The following ZP4 variants were observed in gnomAD, a reference collection of about 807,000 sequenced individuals.
The protein encoded by ZP4 is zona pellucida glycoprotein 4, also known as zona pellucida sperm-binding protein 4.
ZP4 carries 62 observed loss-of-function variants against 62.3 expected under a neutral mutation model. The ratio of observed to expected loss-of-function variants is 0.99; its 90% CI spans 0.81 to 1.23. ZP4 has a LOEUF of 1.23. Among genes scored for constraint, ZP4 ranks in the 50% most tolerant of loss-of-function variants. The pLI is 0.00. For synonymous variants in ZP4, 289 were observed against 247.3 expected (o/e 1.17, Z -1.58); for missense variants, 774 against 656.0 (o/e 1.18, Z -1.97).
intron 10 of ZP4, among the ~76,000 whole-genome samples, chr1:237,884,041 CAAACACACACAA>C (rs1558531250): frequency 2.3e-4 from 27 of 117,934 alleles, no homozygotes; most frequent in African/African-American, 9.8e-4. Context: ...CAAACACACA[CAAACACACACAA>C]ACACACACAA....
At chr1:237,886,038 T>A in intron 6 of ZP4, 152 bp from the exon 7 acceptor site, 1 of 999,376 alleles carries the variant, frequency 1.0e-6, no homozygotes, top group Non-Finnish European at 1.4e-6. Flanking sequence ...TGTATTTTAG[T>A]TGGGGAGACC....
chr1:237,884,017 A>AACACAC, intron 10 of ZP4, among the ~76,000 whole-genome samples: 1 of 87,946 alleles, frequency 1.1e-5, no homozygotes, highest in African/African-American at 4.8e-5. Context: ...CACACACACA[A>AACACAC]ACACACACAC....
In ZP4 at chr1:237,886,825, G is replaced by A. The variant is rs1665114891; in HGVS notation, c.785C>T (p.Thr262Ile). The A allele has an allele frequency of 6.2e-7, 1 of 1,614,044 alleles. No homozygotes were observed. The highest frequency in any genetic ancestry group is 1.1e-5 in the South Asian group (1 of 91,072). The change falls in exon 6 of 12, where the codon ACT (threonine) becomes ATT (isoleucine). Residue 262 changes from threonine to isoleucine, a missense_variant. Coordinates refer to ENST00000366570, the MANE Select transcript of ZP4 (RefSeq NM_021186.5). ...RAVYENELVA[T>I]RDVKNGSRGS... ...ACGGCTCCCATTTTTCACATCCCTA[G>A]TTGCCACCAGTTCATTTTCATATAC...
chr1:237,885,170 C>T lies in ZP4; in HGVS notation c.1306G>A (p.Gly436Arg). 1 of 1,613,318 alleles carries T rather than the reference C, an allele frequency of 6.2e-7. No homozygotes were observed. The highest frequency in any genetic ancestry group is 8.5e-7 in the Non-Finnish European group (1 of 1,179,690). Residue 436 changes from glycine (G) to arginine (R), a missense_variant, in exon 9 of 12, where the codon GGA (glycine) becomes AGA (arginine). Coordinates refer to ENST00000366570, the MANE Select transcript of ZP4 (RefSeq NM_021186.5). ...CATGGAAGGGAACATCCTACCGGTC[C>T]CCTGAGGGCCTGTTTCTCCACTGTA... ...NPTVEKQALR[G>R]PVHLHCSVSV... is the part of the protein sequence containing the mutation.
Position 237,885,819 on chromosome 1 carries a change from G to A in ZP4, c.907C>T (p.Leu303Phe), listed in dbSNP as rs1665089012. Reference protein sequence around the residue: ...SLPINVQVFTLPPPFPETQPG... With the variant: ...SLPINVQVFTFPPPFPETQPG... The stretch of plus-strand genomic sequence containing the variant: ...TGGGTCTCAGGAAAGGGTGGTGGGA[G>A]AGTGAAAACCTGGACATTGATTGGG... The change falls in exon 7 of 12, where the codon CTC becomes TTC. Residue 303 changes from leucine to phenylalanine, a missense_variant. Leu to Phe is a conservative substitution (Grantham distance 22). Transcript: ENST00000366570. 5 of 1,614,058 alleles carry A rather than the reference G, an allele frequency of 3.1e-6. No individual in the cohort carries two copies. Among genetic ancestry groups the A allele is most frequent in the Non-Finnish European group, 4.2e-6 (5 of 1,180,036 alleles).
chr1:237,883,726 G>GAGA (rs1558530140), intron 10 of ZP4, among the ~76,000 whole-genome samples: 1 of 16,240 alleles, frequency 6.2e-5, no homozygotes, highest in Non-Finnish European at 1.1e-4. Context: ...GGGGAGGGCG[G>GAGA]GGGAGGGAGA....
chr1:237,890,135 A>T lies in ZP4; in HGVS notation c.217T>A (p.Cys73Ser). The T allele has an allele frequency of 6.2e-7, 1 of 1,614,164 alleles. No homozygotes were observed. Among genetic ancestry groups the T allele is most frequent in the South Asian group, 1.1e-5 (1 of 91,080 alleles). Residue 73 changes from cysteine to serine, a missense_variant, in exon 2 of 12, where the codon TGT (cysteine) becomes AGT (serine). Cys to Ser is a moderately radical substitution (Grantham distance 112). Transcript: ENST00000366570. ...LLHELQNDSD[C>S]GTWIRKGPGS... The stretch of plus-strand genomic sequence containing the variant: ...GGACCTTTTCTTATCCAGGTGCCAC[A>T]GTCGGAGTCATTCTGCAGCTCGTGC...
rs1664963667 is a variant in ZP4, at chr1:237,883,509, G to A, written c.1391-663C>T. ...GCAGGTGGATCACCTAAGGTCAGGA[G>A]TTCAAGACCAGCCTGGCCAACGTGG... On this transcript the variant is annotated intron_variant, in intron 10 of 11. Transcript: ENST00000366570. Among the ~76,000 whole-genome samples the A allele has an allele frequency of 4.0e-5, 6 of 150,958 alleles. No individual in the cohort carries two copies. The South Asian group carries it at 1.3e-3, about 32-fold the overall frequency.
Position 237,885,431 on chromosome 1 carries a change from C to A in ZP4, c.1120G>T (p.Asp374Tyr). The change falls in exon 8 of 12, where the codon GAC becomes TAC. Residue 374 changes from aspartate (D) to tyrosine (Y), a missense_variant. By Grantham distance (160) the Asp-to-Tyr change is radical. Coordinates refer to ENST00000366570, the MANE Select transcript of ZP4 (RefSeq NM_021186.5). ...GGCCACTGTGGCTGACTCAGGGGGTCAGTGCTGGGTGTTGCCCAACACTGT... is the reference window on the plus strand; with the variant it reads ...GGCCACTGTGGCTGACTCAGGGGGTAAGTGCTGGGTGTTGCCCAACACTGT... ...LQQCWATPST[D>Y]PLSQPQWPIL... 1 of 1,613,240 alleles carries A rather than the reference C, an allele frequency of 6.2e-7. No individual in the cohort carries two copies. The highest frequency in any genetic ancestry group is 8.5e-7 in the Non-Finnish European group (1 of 1,179,604).
chr1:237,888,946 A>C (rs1183527060), intron 3 of ZP4, among the ~76,000 whole-genome samples: 1 of 152,110 alleles, frequency 6.6e-6, no homozygotes, highest in Non-Finnish European at 1.5e-5. Flanking sequence ...CATCCTGGCT[A>C]TGTATTGGGA....
intron 10 of ZP4, among the ~76,000 whole-genome samples, chr1:237,883,729 G>A (rs1290919295): frequency 3.7e-4 from 20 of 54,710 alleles, no homozygotes; most frequent in East Asian, 1.4e-3. Context: ...GAGGGCGGGG[G>A]AGGGAGAGAG....
rs763390508 is a variant in ZP4 at position 237,886,725 on chromosome 1, TG to T, written c.839+45del. ...TGTGGATTCAGGGCTTACCTGAGAA[TG>T]CCCACCTTATGGCAGATGGGAAGTC... is the stretch of plus-strand genomic sequence containing the variant. On this transcript the variant is annotated intron_variant, in intron 6 of 11. Coordinates refer to ENST00000366570, the MANE Select transcript of ZP4 (RefSeq NM_021186.5). 2.0e-6 allele frequency: 3 copies of T among 1,529,470 alleles called. No individual in the cohort carries two copies. In the African/African-American group the frequency reaches 4.1e-5, roughly 21 times the overall value. The allele number at this position is 1,529,470 out of a possible 1,614,324, so 94.7% of individuals were successfully genotyped here. A position where few individuals can be genotyped will look rare whatever the true frequency, so the allele number is the denominator to read the frequency against.
rs1665212736 is a variant in ZP4, at chr1:237,890,406, G to A, written c.175+55C>T. Reference sequence around the variant, plus strand: ...ACGGGAAGATAGGGAGACATCTTAGGTAGTAGAGGAGACATATCATTGCTT... The same window carrying A: ...ACGGGAAGATAGGGAGACATCTTAGATAGTAGAGGAGACATATCATTGCTT... On this transcript the variant is annotated intron_variant, in intron 1 of 11. Transcript: ENST00000366570. The A allele has an allele frequency of 3.2e-6, 5 of 1,563,032 alleles. No individual in the cohort carries two copies. The Admixed American group carries it at 5.5e-5, about 17-fold the overall frequency.
chr1:237,883,718 GGAGGGCGGGGGAGGGAGAGAGAGGGA>G (rs1664984270), intron 10 of ZP4, among the ~76,000 whole-genome samples: 5 of 19,148 alleles, frequency 2.6e-4, no homozygotes, highest in African/African-American at 1.3e-3. Flanking sequence ...GGAGGGCGGG[GGAGGGCGGGGGAGGGAGAGAGAGGGA>G]GAGAGAGGGA....
chr1:237,890,317 T>C (rs1665211037), intron 1 of ZP4, 141 bp from the exon 2 acceptor site: 2 of 1,503,656 alleles, frequency 1.3e-6, no homozygotes, highest in East Asian at 4.5e-5. Flanking sequence ...TCAGATGTAG[T>C]TATAACTTAG....
In ZP4 at chr1:237,885,477, G is replaced by A; in HGVS notation, c.1074C>T (p.Pro358=). 2 of 1,614,140 alleles carry A rather than the reference G, an allele frequency of 1.2e-6. No individual in the cohort carries two copies. Among genetic ancestry groups the A allele is most frequent in the East Asian group, 4.5e-5 (2 of 44,872 alleles). The change falls in exon 8 of 12, where the codon CCC becomes CCT. Residue 358 remains proline (P), a synonymous_variant. Coordinates refer to ENST00000366570, the MANE Select transcript of ZP4 (RefSeq NM_021186.5). ...ACTGTTGTAGGAGCAGCCCCAGGTA[G>A]GGGTCTGTTCTGTGAAGGATGGAGA... is the stretch of plus-strand genomic sequence containing the variant. The part of the protein sequence containing the change: ...VEVSILHRTD[P]YLGLLLQQCW...
rs984712944 is a variant in ZP4, at chr1:237,888,281, G to A, written c.553+77C>T. 12 of 1,424,344 alleles carry A rather than the reference G, an allele frequency of 8.4e-6. No individual in the cohort carries two copies. In the African/African-American group the frequency reaches 1.6e-4, roughly 18 times the overall value. 88.2% of individuals were successfully genotyped at this position (1,424,344 alleles called of 1,614,324 possible). On this transcript the variant is annotated intron_variant, in intron 4 of 11. Coordinates refer to ENST00000366570, the MANE Select transcript of ZP4 (RefSeq NM_021186.5). ...TGCTATCACTTGATGTTTGCCTTCT[G>A]AGCAAACCCCTCTCTGGGTTTCATT...
chr1:237,885,355 A>C (rs1399425341), intron 8 of ZP4, 36 bp downstream of exon 8: 1 of 1,611,594 alleles, frequency 6.2e-7, no homozygotes, highest in East Asian at 2.2e-5. Flanking sequence ...GGCTTCTTTG[A>C]GAATTTCAGC....
intron 10 of ZP4, among the ~76,000 whole-genome samples, chr1:237,884,063 A>AAACACAC (rs1558531318): frequency 3.6e-5 from 5 of 137,940 alleles, no homozygotes; most frequent in African/African-American, 1.6e-4. Context: ...AACACACACA[A>AAACACAC]ACACACACAA....
Sources: gnomAD v4.1 joint callset for allele counts (sites outside exome capture counted in the v4.1 genomes callset) on GRCh38, gnomAD v4.1.1 for gene constraint, MANE v1.5 for transcripts, NCBI Gene and HGNC (gene_info 2026-07-23, HGNC 2026-07-21) for gene names.